ROR2: variants seen among roughly 807,000 people sequenced by gnomAD.
The protein encoded by ROR2 is ROR family WNT receptor 2.
Under a neutral mutation model 74.9 loss-of-function variants are expected in ROR2, and 33 were observed. That is an observed-to-expected ratio of 0.44 (90% CI 0.33 to 0.59). The LOEUF (loss-of-function observed/expected upper bound fraction) is 0.59, where lower values mean the gene tolerates loss of function less well. Ranked by LOEUF, ROR2 falls within the 20% of genes least tolerant of loss-of-function variation. The pLI, the probability that ROR2 is intolerant of heterozygous loss-of-function variation, is 0.02. For synonymous variants in ROR2, 586 were observed against 558.7 expected (o/e 1.05, Z -0.69); for missense variants, 1,216 against 1,313.8 (o/e 0.93, Z 1.15).
chr9:91,764,737 A>G (rs952916109), intron 2 of ROR2, among the ~76,000 whole-genome samples: 1 of 152,160 alleles, frequency 6.6e-6, no homozygotes, highest in Non-Finnish European at 1.5e-5. Context: ...CTTAGGTTCA[A>G]TTGAGCTCAT....
chr9:91,849,040 TC>T (rs1424822685), intron 1 of ROR2, among the ~76,000 whole-genome samples: 20 of 152,208 alleles, frequency 1.3e-4, no homozygotes, highest in African/African-American at 4.8e-4. Flanking sequence ...GCGACCACCC[TC>T]CATCATCCCA....
intron 2 of ROR2, among the ~76,000 whole-genome samples, chr9:91,763,021 C>T (rs754315347): frequency 2.0e-5 from 3 of 152,140 alleles, no homozygotes; most frequent in Non-Finnish European, 4.4e-5. Flanking sequence ...ATATCCTTTG[C>T]GCAACATGGA....
intron 1 of ROR2, among the ~76,000 whole-genome samples, chr9:91,838,603 TG>T (rs1331869903): frequency 1.3e-5 from 2 of 152,190 alleles, no homozygotes; most frequent in African/African-American, 4.8e-5. Flanking sequence ...CACTGGGGAA[TG>T]GGTCCCTCAC....
intron 1 of ROR2, among the ~76,000 whole-genome samples, chr9:91,831,754 G>A (rs535283417): frequency 6.6e-6 from 1 of 152,164 alleles, no homozygotes; most frequent in Non-Finnish European, 1.5e-5. Flanking sequence ...GGCGGAGCTT[G>A]CAGTGAGCTG....
At chr9:91,794,647 C>G (rs113457843) in intron 1 of ROR2, among the ~76,000 whole-genome samples, 12 of 151,960 alleles carry the variant, frequency 7.9e-5, no homozygotes, top group African/African-American at 2.9e-4. Context: ...AGTGCAGTGG[C>G]GTGATCTTGG....
intron 1 of ROR2, among the ~76,000 whole-genome samples, chr9:91,798,870 C>A (rs1179404771): frequency 6.6e-6 from 1 of 152,114 alleles, no homozygotes; most frequent in Non-Finnish European, 1.5e-5. Context: ...AAGTGGGTGA[C>A]CCTTGGGATT....
intron 1 of ROR2, among the ~76,000 whole-genome samples, chr9:91,927,232 C>T (rs1410420593): frequency 6.6e-6 from 1 of 152,182 alleles, no homozygotes; most frequent in Non-Finnish European, 1.5e-5. Flanking sequence ...AGGTCAGAGA[C>T]CCACAGCTCC....
intron 4 of ROR2, 50 bp downstream of exon 4, chr9:91,756,021 C>A (rs776299570): frequency 1.3e-6 from 2 of 1,596,764 alleles, no homozygotes; most frequent in Non-Finnish European, 8.6e-7. Context: ...TCCTACATAA[C>A]AAAAACCCTC....
intron 1 of ROR2, among the ~76,000 whole-genome samples, chr9:91,806,718 T>C (rs1010607014): frequency 6.6e-6 from 1 of 152,132 alleles, no homozygotes; most frequent in Non-Finnish European, 1.5e-5. Flanking sequence ...GCCTCCCAAG[T>C]AGCTGGGACT....
intron 1 of ROR2, among the ~76,000 whole-genome samples, chr9:91,843,887 C>T (rs2119223886): frequency 6.6e-6 from 1 of 152,370 alleles, no homozygotes; most frequent in Middle Eastern, 3.4e-3. Flanking sequence ...ACAACCAACC[C>T]CCACATTGGT....
chr9:91,949,121 C>G (rs988102469), intron 1 of ROR2, among the ~76,000 whole-genome samples: 90 of 151,602 alleles, frequency 5.9e-4, no homozygotes, highest in African/African-American at 2.1e-3. Context: ...CCCGGGGGTC[C>G]CCCCGGCGCG....
chr9:91,730,885 A>T (rs774155419), intron 7 of ROR2, 25 bp downstream of exon 7: 15 of 1,613,630 alleles, frequency 9.3e-6, no homozygotes, highest in Non-Finnish European at 1.3e-5. Flanking sequence ...TCAACACATT[A>T]AAAAAAGAGA....
rs143457425 is a variant in ROR2, at chr9:91,738,461, C to T, written c.495-943G>A. Among the ~76,000 whole-genome samples, 506 of 152,240 alleles carry T rather than the reference C, an allele frequency of 3.3e-3. 3 individuals carry two copies. Among genetic ancestry groups the T allele is most frequent in the African/African-American group, 0.012 (481 of 41,526 alleles). On this transcript the variant is annotated intron_variant, in intron 4 of 8. Transcript: ENST00000375708. ...ATGCACATACCCAGAACATCAGGCA[C>T]GTGTTTCACCTTACCCTTGAACTAT...
intron 1 of ROR2, among the ~76,000 whole-genome samples, chr9:91,827,690 A>G (rs149219778): frequency 2.0e-3 from 306 of 152,328 alleles, no homozygotes; most frequent in Non-Finnish European, 3.2e-3. Flanking sequence ...CAATGTACAG[A>G]TCGGTCCAAT....
intron 2 of ROR2, among the ~76,000 whole-genome samples, chr9:91,769,236 G>A (rs995443809): frequency 6.6e-6 from 1 of 152,108 alleles, no homozygotes; most frequent in African/African-American, 2.4e-5. Flanking sequence ...GCAATCCCCA[G>A]CCCAGGGTGG....
intron 1 of ROR2, among the ~76,000 whole-genome samples, chr9:91,909,258 C>T (rs975014779): frequency 6.6e-6 from 1 of 152,170 alleles, no homozygotes; most frequent in Non-Finnish European, 1.5e-5. Context: ...TGCACACCCC[C>T]TCTGCATCCT....
intron 1 of ROR2, among the ~76,000 whole-genome samples, chr9:91,945,334 C>T (rs778887252): frequency 2.0e-5 from 3 of 152,182 alleles, no homozygotes; most frequent in Non-Finnish European, 4.4e-5. Flanking sequence ...TAAACATTTC[C>T]TTATTTTAAC....
intron 1 of ROR2, among the ~76,000 whole-genome samples, chr9:91,891,093 C>G (rs1007802068): frequency 3.9e-5 from 6 of 152,200 alleles, no homozygotes; most frequent in Middle Eastern, 6.8e-3. Flanking sequence ...TTTTAGTTTT[C>G]TACTGTTACA....
intron 1 of ROR2, among the ~76,000 whole-genome samples, chr9:91,819,863 T>C (rs903586663): frequency 1.3e-5 from 2 of 152,086 alleles, no homozygotes; most frequent in African/African-American, 2.4e-5. Context: ...TCTCTGTGTA[T>C]GTCTGTATTT....
Sources: allele counts gnomAD v4.1 joint callset (sites outside exome capture counted in the v4.1 genomes callset), GRCh38; gene constraint gnomAD v4.1.1; transcripts MANE v1.5; gene names NCBI Gene and HGNC (gene_info 2026-07-23, HGNC 2026-07-21).